Variants in SLC25A21 observed in about 807,000 individuals in gnomAD.
SLC25A21 encodes the protein mitochondrial 2-oxodicarboxylate carrier.
In SLC25A21, 47 loss-of-function variants were observed where a neutral mutation model predicts 43.8. The ratio of observed to expected loss-of-function variants is 1.07; its 90% confidence interval spans 0.85 to 1.37. The LOEUF (loss-of-function observed/expected upper bound fraction) is 1.37. Among genes scored for constraint, SLC25A21 ranks in the 40% most tolerant of loss-of-function variants. SLC25A21 has a pLI of 0.00. For synonymous variants in SLC25A21, 131 were observed against 121.3 expected (o/e 1.08, Z -0.52); for missense variants, 352 against 350.2 (o/e 1.00, Z -0.04).
chr14:36,916,702 T>C (rs968059875), intron 1 of SLC25A21, among the ~76,000 whole-genome samples: 2 of 152,208 alleles, frequency 1.3e-5, no homozygotes, highest in African/African-American at 4.8e-5. Flanking sequence ...AATTACTGTA[T>C]AACTACTGTG....
intron 2 of SLC25A21, among the ~76,000 whole-genome samples, chr14:36,872,450 G>A (rs975312114): frequency 2.0e-5 from 3 of 152,072 alleles, no homozygotes; most frequent in Admixed American, 6.6e-5. Flanking sequence ...ATAATGTGAT[G>A]GTGAAGAGGT....
chr14:37,068,905 T>G (rs760042323), intron 1 of SLC25A21, among the ~76,000 whole-genome samples: 1 of 152,198 alleles, frequency 6.6e-6, no homozygotes, highest in African/African-American at 2.4e-5. Context: ...CCAGGCGCGG[T>G]GGCTCACGCC....
intron 7 of SLC25A21, among the ~76,000 whole-genome samples, chr14:36,685,440 C>T (rs1002511304): frequency 2.2e-4 from 33 of 152,170 alleles, no homozygotes; most frequent in African/African-American, 7.7e-4. Flanking sequence ...TCACGTGTAG[C>T]TGATCCACTG....
chr14:37,065,748 T>C (rs1962047252), intron 1 of SLC25A21, among the ~76,000 whole-genome samples: 1 of 152,330 alleles, frequency 6.6e-6, no homozygotes, highest in East Asian at 1.9e-4. Flanking sequence ...ACTTCAGATA[T>C]TGAATCATTA....
intron 3 of SLC25A21, among the ~76,000 whole-genome samples, chr14:36,766,350 T>C (rs915194204): frequency 2.0e-5 from 3 of 152,224 alleles, no homozygotes; most frequent in Non-Finnish European, 4.4e-5. Context: ...CAAATGTATT[T>C]CTTACTGTGG....
At chr14:36,931,093 T>A (rs936969162) in intron 1 of SLC25A21, among the ~76,000 whole-genome samples, 2 of 152,112 alleles carry the variant, frequency 1.3e-5, no homozygotes, top group African/African-American at 4.8e-5. Flanking sequence ...GCACTCAAGT[T>A]AATTTTCCTC....
intron 1 of SLC25A21, among the ~76,000 whole-genome samples, chr14:37,091,440 A>C (rs1327136532): frequency 6.6e-6 from 1 of 152,116 alleles, no homozygotes; most frequent in East Asian, 1.9e-4. Context: ...TCTCAAAAAA[A>C]AAAAAAAGCA....
chr14:37,166,492 T>C (rs760565193), intron 1 of SLC25A21, among the ~76,000 whole-genome samples: 1 of 152,262 alleles, frequency 6.6e-6, no homozygotes, highest in Non-Finnish European at 1.5e-5. Flanking sequence ...ATTATTCCCC[T>C]GCGCATCAGT....
chr14:37,106,374 G>A (rs895056483), intron 1 of SLC25A21, among the ~76,000 whole-genome samples: 8 of 152,042 alleles, frequency 5.3e-5, no homozygotes, highest in Non-Finnish European at 7.4e-5. Context: ...CATTCCTGGG[G>A]GGAGGTCTAT....
intron 3 of SLC25A21, among the ~76,000 whole-genome samples, chr14:36,780,194 C>T (rs1490876643): frequency 6.6e-6 from 1 of 151,740 alleles, no homozygotes; most frequent in African/African-American, 2.4e-5. Flanking sequence ...GTAATGTCTT[C>T]TCTTTAATTT....
At chr14:37,132,605 T>C (rs1963409392) in intron 1 of SLC25A21, among the ~76,000 whole-genome samples, 1 of 152,190 alleles carries the variant, frequency 6.6e-6, no homozygotes, top group African/African-American at 2.4e-5. Context: ...TTTTCTTCTA[T>C]TCTCTCTACC....
intron 1 of SLC25A21, among the ~76,000 whole-genome samples, chr14:36,966,525 C>T (rs571270449): frequency 1.2e-4 from 19 of 152,250 alleles, no homozygotes; most frequent in Admixed American, 2.6e-4. Context: ...ATCAGCATCA[C>T]GATCTTATCA....
At chr14:36,872,295 T>G (rs1390547254) in intron 2 of SLC25A21, among the ~76,000 whole-genome samples, 1 of 152,196 alleles carries the variant, frequency 6.6e-6, no homozygotes, top group Non-Finnish European at 1.5e-5. Flanking sequence ...CTGCCTAATC[T>G]TTTTCTTGCT....
At chr14:36,744,409 A>T (rs764553491) in intron 3 of SLC25A21, among the ~76,000 whole-genome samples, 1 of 152,132 alleles carries the variant, frequency 6.6e-6, no homozygotes, top group Non-Finnish European at 1.5e-5. Flanking sequence ...CTGATCTTTG[A>T]CAAAGTTGAC....
intron 3 of SLC25A21, among the ~76,000 whole-genome samples, chr14:36,753,379 A>G (rs1885788523): frequency 6.6e-6 from 1 of 152,276 alleles, no homozygotes; most frequent in Non-Finnish European, 1.5e-5. Context: ...ATACTGGCTG[A>G]GCTAGGAAGC....
At chr14:36,696,113 A>G (rs1416107976) in intron 7 of SLC25A21, among the ~76,000 whole-genome samples, 2 of 152,196 alleles carry the variant, frequency 1.3e-5, no homozygotes, top group East Asian at 3.8e-4. Context: ...AGTGTTTAGC[A>G]TGAAGGGCTG....
intron 2 of SLC25A21, among the ~76,000 whole-genome samples, chr14:36,865,325 C>T (rs941145085): frequency 6.6e-6 from 1 of 152,124 alleles, no homozygotes; most frequent in African/African-American, 2.4e-5. Context: ...TTTCACCCCT[C>T]AGAGCCATTT....
At chr14:36,967,529 C>A (rs967013729) in intron 1 of SLC25A21, among the ~76,000 whole-genome samples, 6 of 152,198 alleles carry the variant, frequency 3.9e-5, no homozygotes, top group Non-Finnish European at 8.8e-5. Flanking sequence ...TTTCCCCACA[C>A]CCAAAACGCG....
At chr14:36,888,745 TC>T (rs746171444) in intron 1 of SLC25A21, among the ~76,000 whole-genome samples, 1 of 152,166 alleles carries the variant, frequency 6.6e-6, no homozygotes, top group Non-Finnish European at 1.5e-5. Context: ...ATACACATCA[TC>T]TTACTAAATG....
Sources: allele counts gnomAD v4.1 joint callset (sites outside exome capture counted in the v4.1 genomes callset), GRCh38; gene constraint gnomAD v4.1.1; transcripts MANE v1.5; gene names NCBI Gene and HGNC (gene_info 2026-07-23, HGNC 2026-07-21).